ADGRL1: variants seen among roughly 807,000 people sequenced by gnomAD.
ADGRL1 encodes the protein adhesion G protein-coupled receptor L1, also known as CIRL-1.
ADGRL1 carries 31 observed loss-of-function variants against 148.9 expected under a neutral mutation model. The ratio of observed to expected loss-of-function variants is 0.21; its 90% CI spans 0.16 to 0.28. The LOEUF (loss-of-function observed/expected upper bound fraction) is 0.28. ADGRL1 is among the 10% of genes least tolerant of loss of function. The pLI is 1.00. For synonymous variants in ADGRL1, 937 were observed against 900.3 expected (o/e 1.04, Z -0.73); for missense variants, 1,521 against 2,058.8 (o/e 0.74, Z 5.05).
rs1969485804 is a variant in ADGRL1 at position 14,162,389 on chromosome 19, CAG to C, written c.1195+215_1195+216del. On this transcript the variant is annotated intron_variant, in intron 5 of 22. Coordinates refer to ENST00000361434, the MANE Select transcript of ADGRL1 (RefSeq NM_014921.5). The surrounding 1 kb of genome is among the most constrained non-coding windows in gnomAD (Gnocchi z 5.4). ...CAGAGCCTCAGTGTCATCTGTAAAA[CAG>C]GGCAGTAAGGATCCCTGTGTCATAG... 6.6e-6 allele frequency among the ~76,000 whole-genome samples: 1 copy of C among 152,202 alleles called. No homozygotes were observed. Among genetic ancestry groups the C allele is most frequent in the Non-Finnish European group, 1.5e-5 (1 of 68,038 alleles).
intron 4 of ADGRL1, among the ~76,000 whole-genome samples, chr19:14,163,900 A>G (rs1969692233): frequency 6.6e-6 from 1 of 151,562 alleles, no homozygotes; most frequent in Non-Finnish European, 1.5e-5. Flanking sequence ...CTTAGGGAAG[A>G]GCTAGGGTCC....
chr19:14,156,036 A>G, intron 17 of ADGRL1, 74 bp downstream of exon 17: 1 of 1,020,046 alleles, frequency 9.8e-7, no homozygotes, highest in Non-Finnish European at 1.4e-6. Context: ...CTTTTAGGAC[A>G]CCCTGGAAGA....
In ADGRL1 at chr19:14,162,330, T is replaced by G. The variant is rs1423099631; in HGVS notation, c.1195+276A>C. The stretch of plus-strand genomic sequence containing the variant: ...CAGTTCAGTGGTTGGGAGGCTGGGT[T>G]CAAATCCTCAAATAACTTAATCCCC... On this transcript the variant is annotated intron_variant, in intron 5 of 22. Coordinates refer to ENST00000361434, the MANE Select transcript of ADGRL1 (RefSeq NM_014921.5). The surrounding 1 kb of genome is among the most constrained non-coding windows in gnomAD (Gnocchi z 5.4). 6.6e-6 allele frequency among the ~76,000 whole-genome samples: 1 copy of G among 152,124 alleles called. No homozygotes were observed. The highest frequency in any genetic ancestry group is 1.9e-4 in the East Asian group (1 of 5,190).
Position 14,161,265 on chromosome 19 carries a change from G to A in ADGRL1, c.1510+47C>T, listed in dbSNP as rs774333810. 3.4e-6 allele frequency: 5 copies of A among 1,490,474 alleles called. No homozygotes were observed. In the South Asian group the frequency reaches 4.0e-5, roughly 12 times the overall value. 92.3% of individuals were successfully genotyped at this position (1,490,474 alleles called of 1,614,324 possible). ...ACACATGCATCTGTGCTAAGCTGCTGGGGGCATGGCCCCCATCCCTCCCCT... is the reference window on the plus strand; with the variant it reads ...ACACATGCATCTGTGCTAAGCTGCTAGGGGCATGGCCCCCATCCCTCCCCT... On this transcript the variant is annotated intron_variant, in intron 6 of 22. Coordinates refer to ENST00000361434, the MANE Select transcript of ADGRL1 (RefSeq NM_014921.5). The surrounding 1 kb of genome is among the most constrained non-coding windows in gnomAD (Gnocchi z 4.4).
chr19:14,156,554 T>A lies in ADGRL1; in HGVS notation c.3033+104A>T, dbSNP rs559180032. 3.8e-3 allele frequency: 1,707 copies of A among 453,622 alleles called. 2 individuals are homozygous for A. Among genetic ancestry groups the A allele is most frequent in the Non-Finnish European group, 5.0e-3 (1,435 of 284,758 alleles). The allele number at this position is 453,622 out of a possible 1,614,324, so 28.1% of individuals were successfully genotyped here. ...TTCCGATGTGTGGAGAGAGAGAGAG[T>A]GTGTGTGTGTGTGGGGGGGGTGGGG... On this transcript the variant is annotated intron_variant, in intron 16 of 22. Coordinates refer to ENST00000361434, the MANE Select transcript of ADGRL1 (RefSeq NM_014921.5).
In ADGRL1 at chr19:14,157,841, A is replaced by C; in HGVS notation, c.2535+41T>G. The C allele has an allele frequency of 6.2e-7, 1 of 1,605,912 alleles. No homozygotes were observed. The highest frequency in any genetic ancestry group is 8.5e-7 in the Non-Finnish European group (1 of 1,175,692). On this transcript the variant is annotated intron_variant, in intron 13 of 22. Transcript: ENST00000361434. The surrounding 1 kb of genome is among the most constrained non-coding windows in gnomAD (Gnocchi z 7.5). ...GGATGCCATGCAAAGCCAGGCCAGCAATCGGGCCTGCCTGGAGGAGCAGAG... is the reference window on the plus strand; with the variant it reads ...GGATGCCATGCAAAGCCAGGCCAGCCATCGGGCCTGCCTGGAGGAGCAGAG...
Position 14,157,537 on chromosome 19 carries a change from A to G in ADGRL1, c.2536-77T>C. The G allele has an allele frequency of 6.8e-7, 1 of 1,468,072 alleles. No individual in the cohort carries two copies. The highest frequency in any genetic ancestry group is 9.5e-7 in the Non-Finnish European group (1 of 1,056,474). The allele number at this position is 1,468,072 out of a possible 1,614,324, so 90.9% of individuals were successfully genotyped here. A position where few individuals can be genotyped will look rare whatever the true frequency, so the allele number is the denominator to read the frequency against. On this transcript the variant is annotated intron_variant, in intron 13 of 22. Transcript: ENST00000361434. This position sits in a 1 kb window ranked among gnomAD's most constrained non-coding sequence, Gnocchi z 7.5. Reference sequence around the variant, plus strand: ...GCTCAGCCAGGTGCCAGCCACAGACAGGGCCCTGGGCAAGGCCATGGGCCG... The same window carrying G: ...GCTCAGCCAGGTGCCAGCCACAGACGGGGCCCTGGGCAAGGCCATGGGCCG...
rs1968620548 is a variant in ADGRL1, at chr19:14,155,422, G to A, written c.3231C>T (p.Phe1077=). Residue 1077 remains phenylalanine, a synonymous_variant, in exon 18 of 23, where the codon TTC becomes TTT. Transcript: ENST00000361434. The surrounding 1 kb of genome is among the most constrained non-coding windows in gnomAD (Gnocchi z 5.0). The part of the protein sequence containing the change: ...NKESVVMAYL[F]TTFNAFQGVF... Reference sequence around the variant, plus strand: ...CCCCCTGGAAGGCGTTGAAGGTGGTGAAGAGATAGGCCATGACCACCGACT... The same window carrying A: ...CCCCCTGGAAGGCGTTGAAGGTGGTAAAGAGATAGGCCATGACCACCGACT... 6.2e-7 allele frequency: 1 copy of A among 1,614,016 alleles called. No individual in the cohort carries two copies. Among genetic ancestry groups the A allele is most frequent in the South Asian group, 1.1e-5 (1 of 91,078 alleles).
rs1968999974 is a variant in ADGRL1 at position 14,158,480 on chromosome 19, T to C, written c.2222A>G (p.Lys741Arg). The C allele has an allele frequency of 6.2e-7, 1 of 1,614,050 alleles. No homozygotes were observed. Among genetic ancestry groups the C allele is most frequent in the Non-Finnish European group, 8.5e-7 (1 of 1,180,012 alleles). ...LFLSTENATV[K>R]LAGEAGPGGP... ...ACCCGGGCCTGCTTCGCCGGCCAGC[T>C]TCACTGTGGCATTCTCCGTGGACAG... The change falls in exon 12 of 23, where the codon AAG (lysine) becomes AGG (arginine). Residue 741 changes from lysine (K) to arginine (R), a missense_variant. Lys to Arg is a conservative substitution (Grantham distance 26, BLOSUM62 2). Coordinates refer to ENST00000361434, the MANE Select transcript of ADGRL1 (RefSeq NM_014921.5).
At chr19:14,166,193 C>T (rs773289995) in intron 4 of ADGRL1, among the ~76,000 whole-genome samples, 168 of 152,150 alleles carry the variant, frequency 1.1e-3, no homozygotes, top group Non-Finnish European at 2.0e-3. Context: ...ACAGAGAACA[C>T]GCTCCCCCAC....
In ADGRL1 at chr19:14,151,473, G is replaced by T; in HGVS notation, c.3810C>A (p.Ala1270=). 6.2e-7 allele frequency: 1 copy of T among 1,612,560 alleles called. No individual in the cohort carries two copies. The highest frequency in any genetic ancestry group is 8.5e-7 in the Non-Finnish European group (1 of 1,179,538). The change falls in exon 23 of 23, where the codon GCC becomes GCA. Residue 1270 remains alanine, a synonymous_variant. Coordinates refer to ENST00000361434, the MANE Select transcript of ADGRL1 (RefSeq NM_014921.5). ...TCATCTTCTCAAAGGCCGCCGCATC[G>T]GCTAGGTTCCGGCCTCGGGGCGGCT... The part of the protein sequence containing the change: ...GPEPPRGRNL[A]DAAAFEKMII...
At chr19:14,196,087 A>C (rs1297532754) in intron 1 of ADGRL1, among the ~76,000 whole-genome samples, 1 of 151,948 alleles carries the variant, frequency 6.6e-6, no homozygotes, top group Non-Finnish European at 1.5e-5. Context: ...GCTGGACCCC[A>C]CTTCCCCACC....
At chr19:14,167,821 C>G (rs895169506) in intron 4 of ADGRL1, among the ~76,000 whole-genome samples, 1 of 152,078 alleles carries the variant, frequency 6.6e-6, no homozygotes, top group Admixed American at 6.5e-5. Flanking sequence ...CACAGACACG[C>G]TCCCAGGCTC....
chr19:14,172,553 A>T (rs1295698000), intron 3 of ADGRL1, among the ~76,000 whole-genome samples: 1 of 152,028 alleles, frequency 6.6e-6, no homozygotes, highest in African/African-American at 2.4e-5. Context: ...CAGCCTGGCC[A>T]ACATGGTAAA....
chr19:14,158,901 T>C (rs1364571987), intron 11 of ADGRL1, among the ~76,000 whole-genome samples, 189 bp downstream of exon 11: 1 of 152,166 alleles, frequency 6.6e-6, no homozygotes, highest in Non-Finnish European at 1.5e-5. Context: ...GGAGCCAGCT[T>C]TGCAACTGTA....
rs1036546404 is a variant in ADGRL1, at chr19:14,147,774, A to C, written c.*3099T>G. On this transcript the variant is annotated 3_prime_UTR_variant, in exon 23 of 23. Coordinates refer to ENST00000361434, the MANE Select transcript of ADGRL1 (RefSeq NM_014921.5). Reference sequence around the variant, plus strand: ...GAAATCTTAATTTCTTTATTGTTTGACTTTTTGACTCAACAATTTTTTTAA... The same window carrying C: ...GAAATCTTAATTTCTTTATTGTTTGCCTTTTTGACTCAACAATTTTTTTAA... The C allele has an allele frequency of 5.9e-5, 9 of 152,292 alleles. No individual in the cohort carries two copies. The highest frequency in any genetic ancestry group is 1.9e-4 in the African/African-American group (8 of 41,382). 9.4% of individuals were successfully genotyped at this position (152,292 alleles called of 1,614,324 possible).
chr19:14,183,817 T>C, intron 1 of ADGRL1, 120 bp from the exon 2 acceptor site: 1 of 556,990 alleles, frequency 1.8e-6, no homozygotes, highest in East Asian at 3.1e-5. Flanking sequence ...GAGCCAGCCC[T>C]ATCTGTAGGG....
intron 2 of ADGRL1, among the ~76,000 whole-genome samples, chr19:14,178,483 C>A (rs550395613): frequency 6.6e-6 from 1 of 151,928 alleles, no homozygotes; most frequent in Non-Finnish European, 1.5e-5. Context: ...CTAGCCTGGG[C>A]AACAGAGCGA....
Position 14,160,408 on chromosome 19 carries a change from C to A in ADGRL1, c.1615-111G>T. ...TCTCCTATCTCTCTCTCCACTTCCCCATCGCCATCTGCCCCTTCCCACCCC... is the reference window on the plus strand; with the variant it reads ...TCTCCTATCTCTCTCTCCACTTCCCAATCGCCATCTGCCCCTTCCCACCCC... On this transcript the variant is annotated intron_variant, in intron 7 of 22. Transcript: ENST00000361434. The surrounding 1 kb of genome is among the most constrained non-coding windows in gnomAD (Gnocchi z 5.9). 9.2e-7 allele frequency: 1 copy of A among 1,081,872 alleles called. No homozygotes were observed. Among genetic ancestry groups the A allele is most frequent in the Non-Finnish European group, 1.3e-6 (1 of 760,410 alleles). The allele number at this position is 1,081,872 out of a possible 1,614,324, so 67.0% of individuals were successfully genotyped here. A position where few individuals can be genotyped will look rare whatever the true frequency, so the allele number is the denominator to read the frequency against.
Sources: allele counts gnomAD v4.1 joint callset (sites outside exome capture counted in the v4.1 genomes callset), GRCh38; gene constraint gnomAD v4.1.1; non-coding constraint Gnocchi (gnomAD v3.1); transcripts MANE v1.5; gene names NCBI Gene and HGNC (gene_info 2026-07-23, HGNC 2026-07-21).